Variants in MORN1 observed in about 807,000 individuals in gnomAD.
MORN1 encodes the protein MORN repeat-containing protein 1.
MORN1 carries 67 observed loss-of-function variants against 61.9 expected under a neutral mutation model. The observed-to-expected ratio is 1.08, with a 90% CI of 0.89 to 1.33. MORN1 has a LOEUF of 1.33. MORN1 is among the 40% of genes most tolerant of loss of function. MORN1 has a pLI of 0.00. For synonymous variants in MORN1, 301 were observed against 292.0 expected, an observed-to-expected ratio of 1.03 and a Z score of -0.31; for missense variants, 752 against 691.2, an observed-to-expected ratio of 1.09 and a Z score of -0.99.
At chr1:2,381,526 C>T (rs1012489421) in intron 6 of MORN1, among the ~76,000 whole-genome samples, 6 of 152,156 alleles carry the variant, frequency 3.9e-5, no homozygotes, top group African/African-American at 9.7e-5. Context: ...GTGCGGGCCT[C>T]GGTTGGCAGG....
chr1:2,390,058 T>C (rs1642608403), intron 1 of MORN1, 62 bp from the exon 2 acceptor site: 2 of 1,486,278 alleles, frequency 1.3e-6, no homozygotes, highest in Non-Finnish European at 9.4e-7. Context: ...TGCTCTCCAG[T>C]GCTGAAGGAG....
intron 13 of MORN1, chr1:2,323,551 T>C (rs1640930839): frequency 1.0e-6 from 1 of 984,624 alleles, no homozygotes; most frequent in South Asian, 4.7e-5. Flanking sequence ...GGTGGGGGGG[T>C]GCCAGGCCCA....
At chr1:2,326,978 A>G (rs954840513) in intron 12 of MORN1, among the ~76,000 whole-genome samples, 4 of 152,248 alleles carry the variant, frequency 2.6e-5, no homozygotes, top group African/African-American at 7.2e-5. Context: ...CTGTGGACAC[A>G]CTGGCGCCCA....
chr1:2,370,898 C>T (rs769474850), intron 8 of MORN1, among the ~76,000 whole-genome samples: 1 of 151,888 alleles, frequency 6.6e-6, no homozygotes, highest in Non-Finnish European at 1.5e-5. Flanking sequence ...CTATATTGCC[C>T]AGGCTGGTCT....
chr1:2,358,187 G>A (rs947931163), intron 9 of MORN1, among the ~76,000 whole-genome samples: 1 of 152,204 alleles, frequency 6.6e-6, no homozygotes, highest in Non-Finnish European at 1.5e-5. Flanking sequence ...GGGGAGTGGC[G>A]CCCAACTAGG....
chr1:2,356,930 C>T (rs1482194454), intron 10 of MORN1, among the ~76,000 whole-genome samples: 1 of 152,228 alleles, frequency 6.6e-6, no homozygotes, highest in Non-Finnish European at 1.5e-5. Context: ...CTGGGGGGTT[C>T]TGCCGGAGCA....
chr1:2,378,481 C>G (rs969911238), intron 6 of MORN1: 3 of 173,978 alleles, frequency 1.7e-5, no homozygotes, highest in African/African-American at 7.2e-5. Context: ...CACACACGCC[C>G]AGCTGAGGAG....
chr1:2,388,254 G>A lies in MORN1; in HGVS notation c.232C>T (p.His78Tyr), dbSNP rs754509315. ...DGEITGEGRRHWAWSGDTFSG... is the reference protein window; with the variant it reads ...DGEITGEGRRYWAWSGDTFSG... ...TAGAGCTCACCTGACCAGGCCCAGT[G>A]CCGGCGGCCTTCTCCCGTGATCTCT... is the stretch of plus-strand genomic sequence containing the variant. Residue 78 changes from histidine (H) to tyrosine (Y), a missense_variant, in exon 3 of 14, where the codon CAC becomes TAC. Physicochemically the swap from His to Tyr is moderately conservative, Grantham distance 83. Coordinates refer to ENST00000378531, the MANE Select transcript of MORN1 (RefSeq NM_024848.3). 6.8e-6 allele frequency: 11 copies of A among 1,613,732 alleles called. No homozygotes were observed. The highest frequency in any genetic ancestry group is 9.3e-6 in the Non-Finnish European group (11 of 1,179,902).
At chr1:2,382,405 C>G (rs530676259) in intron 6 of MORN1, among the ~76,000 whole-genome samples, 1 of 152,288 alleles carries the variant, frequency 6.6e-6, no homozygotes, top group East Asian at 1.9e-4. Context: ...GCCAATGCAC[C>G]GAAAGGCTGA....
At chr1:2,354,655 C>T (rs775407855) in intron 10 of MORN1, among the ~76,000 whole-genome samples, 1 of 152,246 alleles carries the variant, frequency 6.6e-6, no homozygotes, top group African/African-American at 2.4e-5. Context: ...CGCTCCTCTC[C>T]TCCGGGGCGC....
At chr1:2,391,246 G>C (rs1013595035) in intron 1 of MORN1, among the ~76,000 whole-genome samples, 1 of 152,160 alleles carries the variant, frequency 6.6e-6, no homozygotes, top group Non-Finnish European at 1.5e-5. Context: ...GGCCTGCTGC[G>C]GGAGGAGGGC....
At chr1:2,330,763 C>T (rs778030915) in intron 12 of MORN1, among the ~76,000 whole-genome samples, 20 of 152,126 alleles carry the variant, frequency 1.3e-4, no homozygotes, top group Non-Finnish European at 2.5e-4. Context: ...TGAGGGACCC[C>T]GTCCCGGGCT....
chr1:2,339,950 C>A (rs1641358827), intron 10 of MORN1, among the ~76,000 whole-genome samples: 1 of 152,260 alleles, frequency 6.6e-6, no homozygotes, highest in South Asian at 2.1e-4. Context: ...GCTCAGGGCA[C>A]CCTCTGTGCA....
chr1:2,333,608 G>A (rs1361157271), intron 12 of MORN1, among the ~76,000 whole-genome samples: 4 of 152,210 alleles, frequency 2.6e-5, no homozygotes, highest in Non-Finnish European at 5.9e-5. Flanking sequence ...CTGGCTCAAG[G>A]TGCTGCTGCT....
chr1:2,338,798 G>T (rs1385306025), intron 10 of MORN1, among the ~76,000 whole-genome samples: 1 of 152,178 alleles, frequency 6.6e-6, no homozygotes, highest in Admixed American at 6.5e-5. Context: ...TTTGCCTGGT[G>T]ATCACAATGG....
chr1:2,374,651 GC>G (rs1209535437), intron 6 of MORN1, 94 bp from the exon 7 acceptor site: 13 of 1,060,754 alleles, frequency 1.2e-5, no homozygotes, highest in Non-Finnish European at 1.8e-5. Context: ...CTACAGCAGG[GC>G]CCCAGGACCA....
At position 2,358,771 on chromosome 1, in the gene MORN1, C is replaced by T. The variant is rs570197973; in HGVS notation, c.746-56G>A. 55 of 1,560,652 alleles carry T rather than the reference C, an allele frequency of 3.5e-5. No individual in the cohort carries two copies. In the African/African-American group the frequency reaches 5.5e-4, roughly 15 times the overall value. ...CTCACAGGCACCCAGAAGCGGGGTG[C>T]GCGGGCCCGGGGCAGGCTTCTGGGA... On this transcript the variant is annotated intron_variant, in intron 8 of 13. Coordinates refer to ENST00000378531, the MANE Select transcript of MORN1 (RefSeq NM_024848.3).
chr1:2,374,435 G>A, intron 7 of MORN1, 26 bp downstream of exon 7: 1 of 1,552,982 alleles, frequency 6.4e-7, no homozygotes, highest in Non-Finnish European at 8.7e-7. Context: ...ACCTCACAGT[G>A]CCCACAGGAA....
At chr1:2,355,799 GTC>G (rs1341146878) in intron 10 of MORN1, among the ~76,000 whole-genome samples, 4 of 152,198 alleles carry the variant, frequency 2.6e-5, no homozygotes, top group Non-Finnish European at 5.9e-5. Context: ...CCTCAGCCCT[GTC>G]TCACTGCAGG....
Sources: allele counts gnomAD v4.1 joint callset (sites outside exome capture counted in the v4.1 genomes callset), GRCh38; gene constraint gnomAD v4.1.1; transcripts MANE v1.5; gene names NCBI Gene and HGNC (gene_info 2026-07-23, HGNC 2026-07-21).